Variants in LCLAT1 observed in about 807,000 individuals in gnomAD.
LCLAT1 encodes the protein 1-AGP acyltransferase 8.
In LCLAT1, 11 loss-of-function variants were observed where a neutral mutation model predicts 30.7. The observed-to-expected ratio is 0.36, with a 90% CI of 0.23 to 0.59. LCLAT1 has a LOEUF of 0.59. Ranked by LOEUF, LCLAT1 falls within the 20% of genes least tolerant of loss-of-function variation. LCLAT1 has a pLI of 0.77. For missense variants in LCLAT1, 402 were observed against 458.6 expected (o/e 0.88, Z 1.13); for synonymous variants, 155 against 151.3 (o/e 1.02, Z -0.18).
intron 1 of LCLAT1, among the ~76,000 whole-genome samples, chr2:30,497,355 C>T (rs1684167727): frequency 6.6e-6 from 1 of 152,092 alleles, no homozygotes; most frequent in African/African-American, 2.4e-5. Context: ...ATTTCTTAGC[C>T]TTTACACTGA....
At chr2:30,531,384 G>C (rs1357172385) in intron 2 of LCLAT1, among the ~76,000 whole-genome samples, 1 of 152,182 alleles carries the variant, frequency 6.6e-6, no homozygotes, top group Non-Finnish European at 1.5e-5. Context: ...GGGACTTTTT[G>C]GAGTAGGGGT....
At chr2:30,565,449 C>A (rs1450236634) in intron 4 of LCLAT1, among the ~76,000 whole-genome samples, 1 of 152,082 alleles carries the variant, frequency 6.6e-6, no homozygotes, top group Non-Finnish European at 1.5e-5. Flanking sequence ...TAAAAAATAC[C>A]TTCCCAGAAA....
chr2:30,544,436 A>G (rs1314658086), intron 3 of LCLAT1, among the ~76,000 whole-genome samples: 1 of 152,216 alleles, frequency 6.6e-6, no homozygotes, highest in East Asian at 1.9e-4. Context: ...TATGCAATAC[A>G]GGAATCATCC....
chr2:30,448,372 A>G (rs902930991), intron 1 of LCLAT1, among the ~76,000 whole-genome samples: 2 of 152,254 alleles, frequency 1.3e-5, no homozygotes, highest in East Asian at 1.9e-4. Flanking sequence ...TTTTGAGAGT[A>G]AGTAAAAATA....
At chr2:30,516,983 C>T (rs1685214176) in intron 1 of LCLAT1, among the ~76,000 whole-genome samples, 1 of 152,172 alleles carries the variant, frequency 6.6e-6, no homozygotes, top group Non-Finnish European at 1.5e-5. Flanking sequence ...CGACTAGAAG[C>T]AGAAAACTGT....
chr2:30,518,239 T>G (rs1396398883), intron 1 of LCLAT1, among the ~76,000 whole-genome samples: 1 of 152,206 alleles, frequency 6.6e-6, no homozygotes, highest in Non-Finnish European at 1.5e-5. Flanking sequence ...CCTAACGGGA[T>G]TTAAATCTTA....
intron 5 of LCLAT1, among the ~76,000 whole-genome samples, chr2:30,589,218 T>C (rs1352890700): frequency 6.6e-6 from 1 of 152,210 alleles, no homozygotes; most frequent in Non-Finnish European, 1.5e-5. Flanking sequence ...TTTTTAAATA[T>C]TAGATAATGT....
intron 5 of LCLAT1, among the ~76,000 whole-genome samples, chr2:30,601,819 T>C (rs576688434): frequency 6.6e-6 from 1 of 151,788 alleles, no homozygotes. Context: ...ATGTCATATA[T>C]ATCTATAGAT....
At chr2:30,543,493 A>G (rs1239602106) in intron 3 of LCLAT1, among the ~76,000 whole-genome samples, 2 of 152,114 alleles carry the variant, frequency 1.3e-5, no homozygotes, top group Non-Finnish European at 2.9e-5. Flanking sequence ...AAGAGTTTGT[A>G]TAGGACTGAT....
intron 1 of LCLAT1, among the ~76,000 whole-genome samples, chr2:30,500,210 G>A (rs1435976480): frequency 1.3e-5 from 2 of 152,088 alleles, no homozygotes; most frequent in Non-Finnish European, 2.9e-5. Context: ...AACATCTCAA[G>A]TATTTAATAA....
intron 4 of LCLAT1, among the ~76,000 whole-genome samples, chr2:30,565,873 A>C (rs1665460566): frequency 6.6e-6 from 1 of 152,120 alleles, no homozygotes; most frequent in Non-Finnish European, 1.5e-5. Context: ...TTAAGTAGGG[A>C]CTAAATGAAC....
At chr2:30,623,092 C>A (rs7562252) in intron 5 of LCLAT1, among the ~76,000 whole-genome samples, 102,095 of 143,822 alleles carry the variant, frequency 0.71, 36,121 homozygotes, top group Middle Eastern at 0.74. Flanking sequence ...CTCACTCTGT[C>A]GCCAGGGCTA....
intron 3 of LCLAT1, among the ~76,000 whole-genome samples, chr2:30,551,512 T>G (rs1182924559): frequency 6.6e-6 from 1 of 152,212 alleles, no homozygotes; most frequent in East Asian, 1.9e-4. Context: ...TCTAGGCACT[T>G]ACTATGCTCT....
intron 5 of LCLAT1, among the ~76,000 whole-genome samples, chr2:30,627,842 CTACTT>C (rs900844953): frequency 4.6e-4 from 31 of 66,882 alleles, no homozygotes; most frequent in African/African-American, 9.2e-4. Context: ...TAGAAGTTAA[CTACTT>C]TAATATGATT....
chr2:30,555,189 T>C (rs1310362524), intron 3 of LCLAT1, among the ~76,000 whole-genome samples: 1 of 152,148 alleles, frequency 6.6e-6, no homozygotes, highest in Admixed American at 6.5e-5. Context: ...CCATATTCAA[T>C]GATAGAAAAC....
chr2:30,462,099 T>G (rs1489030630), intron 1 of LCLAT1, among the ~76,000 whole-genome samples: 5 of 152,284 alleles, frequency 3.3e-5, no homozygotes. Context: ...ACATCATTTT[T>G]GAACTCAGAA....
chr2:30,506,372 G>C (rs974546603), intron 1 of LCLAT1, among the ~76,000 whole-genome samples: 1 of 151,768 alleles, frequency 6.6e-6, no homozygotes, highest in Non-Finnish European at 1.5e-5. Flanking sequence ...TATTTCTAAT[G>C]GTTTCTCAAA....
chr2:30,452,959 A>G (rs1012089616), intron 1 of LCLAT1, among the ~76,000 whole-genome samples: 2 of 152,082 alleles, frequency 1.3e-5, no homozygotes, highest in African/African-American at 4.8e-5. Context: ...CCATCAGTGA[A>G]AGCTGACAAC....
chr2:30,525,482 C>T lies in LCLAT1; in HGVS notation c.-4-105C>T, dbSNP rs2148383867. On this transcript the variant is annotated intron_variant, in intron 1 of 5. Transcript: ENST00000379509. The stretch of plus-strand genomic sequence containing the variant: ...TCTTATATTGTTTCTTAGAGCCTTT[C>T]TGTAGCCCTAAAATTAGTGATCATT... 4 of 866,278 alleles carry T rather than the reference C, an allele frequency of 4.6e-6. No individual in the cohort carries two copies. The East Asian group carries it at 9.8e-5, about 21-fold the overall frequency. 53.7% of individuals were successfully genotyped at this position (866,278 alleles called of 1,614,324 possible).
Sources: gnomAD v4.1 joint callset for allele counts (sites outside exome capture counted in the v4.1 genomes callset) on GRCh38, gnomAD v4.1.1 for gene constraint, MANE v1.5 for transcripts, NCBI Gene and HGNC (gene_info 2026-07-23, HGNC 2026-07-21) for gene names.